The following PCDHGA5 variants were observed in gnomAD, a reference collection of about 807,000 sequenced individuals.
The protein encoded by PCDHGA5 is protocadherin gamma-A5.
A neutral mutation model predicts 56.7 loss-of-function variants in PCDHGA5; 36 were observed. The observed-to-expected ratio is 0.64, with a 90% confidence interval of 0.49 to 0.84. The LOEUF (loss-of-function observed/expected upper bound fraction) is 0.84, where lower values mean the gene tolerates loss of function less well. PCDHGA5 is among the 40% of genes least tolerant of loss of function. PCDHGA5 has a pLI of 0.00. For missense variants in PCDHGA5, 1,305 were observed against 1,201.5 expected (o/e 1.09, Z -1.27); for synonymous variants, 563 against 520.2 (o/e 1.08, Z -1.12).
Position 141,421,718 on chromosome 5 carries a change from G to A in PCDHGA5, c.2421+54967G>A, listed in dbSNP as rs778263773. On this transcript the variant is annotated intron_variant, in intron 1 of 3. Transcript: ENST00000518069. ...CCTAATGCTAGGGATCCAGATGTGGGCGTGAACTCCCTCCAGAGCTACCAG... is the reference window on the plus strand; with the variant it reads ...CCTAATGCTAGGGATCCAGATGTGGACGTGAACTCCCTCCAGAGCTACCAG... 3.1e-6 allele frequency: 5 copies of A among 1,613,848 alleles called. No homozygotes were observed. The highest frequency in any genetic ancestry group is 2.7e-5 in the African/African-American group (2 of 74,938).
intron 2 of PCDHGA5, among the ~76,000 whole-genome samples, chr5:141,495,834 C>T (rs1366861675): frequency 6.6e-6 from 1 of 152,198 alleles, no homozygotes; most frequent in African/African-American, 2.4e-5. Context: ...CTATCCCCAG[C>T]CTCTATGTTT....
chr5:141,409,953 CCGG>C (rs1418234891), intron 1 of PCDHGA5: 2 of 1,613,280 alleles, frequency 1.2e-6, no homozygotes, highest in Non-Finnish European at 1.7e-6. Flanking sequence ...TCTGCAGAGC[CCGG>C]CTACCTAGTG....
chr5:141,404,709 A>G (rs746275941), intron 1 of PCDHGA5: 33 of 1,613,624 alleles, frequency 2.0e-5, no homozygotes, highest in Non-Finnish European at 2.7e-5. Flanking sequence ...GAGCCTGGCT[A>G]CCTGGTGACC....
chr5:141,393,078 A>G, intron 1 of PCDHGA5: 1 of 1,613,718 alleles, frequency 6.2e-7, no homozygotes, highest in Non-Finnish European at 8.5e-7. Context: ...CACCGCGGGC[A>G]GGATAGATCG....
intron 1 of PCDHGA5, among the ~76,000 whole-genome samples, chr5:141,406,024 G>A (rs2094747494): frequency 6.6e-6 from 1 of 151,462 alleles, no homozygotes; most frequent in Admixed American, 6.6e-5. Flanking sequence ...TTTTTGGGTA[G>A]GGTTGCTTCA....
chr5:141,405,351 C>G, intron 1 of PCDHGA5: 1 of 1,614,080 alleles, frequency 6.2e-7, no homozygotes, highest in Non-Finnish European at 8.5e-7. Flanking sequence ...TCCAAGTTTC[C>G]TATAGAAGAC....
intron 1 of PCDHGA5, among the ~76,000 whole-genome samples, chr5:141,456,859 A>C (rs2098893194): frequency 6.6e-6 from 1 of 152,152 alleles, no homozygotes; most frequent in Admixed American, 6.6e-5. Context: ...GCTAATTGGG[A>C]GGCTGAGGCA....
chr5:141,472,065 G>C lies in PCDHGA5; in HGVS notation c.2422-22742G>C, dbSNP rs115025688. Among the ~76,000 whole-genome samples the C allele has an allele frequency of 1.7e-3, 265 of 152,218 alleles. 1 individual carries two copies. Among genetic ancestry groups the C allele is most frequent in the Middle Eastern group, 3.4e-3 (1 of 294 alleles). On this transcript the variant is annotated intron_variant, in intron 1 of 3. Coordinates refer to ENST00000518069, the MANE Select transcript of PCDHGA5 (RefSeq NM_018918.3). ...GATTTTAAAAATGATTGACATGTCT[G>C]TGGTTATATCAATGAGTACTATTAT...
At chr5:141,422,318 G>A (rs778935746) in intron 1 of PCDHGA5, 10 of 1,548,110 alleles carry the variant, frequency 6.5e-6, no homozygotes, top group Non-Finnish European at 7.8e-6. Context: ...TCTCCTCCAG[G>A]TACAGTGATT....
Position 141,365,788 on chromosome 5 carries a change from A to T in PCDHGA5, c.1458A>T (p.Arg486=). Residue 486 remains arginine, a synonymous_variant, in exon 1 of 4, where the codon CGA becomes CGT. Transcript: ENST00000518069. ...ACCCCGACAGCGGCGACAACGCTCGAGTCACCTACTCCCTGGCTGAAGACA... is the reference window on the plus strand; with the variant it reads ...ACCCCGACAGCGGCGACAACGCTCGTGTCACCTACTCCCTGGCTGAAGACA... The part of the protein sequence containing the change: ...AHDPDSGDNA[R]VTYSLAEDTF... 6.2e-7 allele frequency: 1 copy of T among 1,613,878 alleles called. No homozygotes were observed. The highest frequency in any genetic ancestry group is 1.1e-5 in the South Asian group (1 of 91,070).
Position 141,511,250 on chromosome 5 carries a change from CAG to C in PCDHGA5, c.*80_*81del. 2 of 1,571,674 alleles carry C rather than the reference CAG, an allele frequency of 1.3e-6. No homozygotes were observed. Among genetic ancestry groups the C allele is most frequent in the Non-Finnish European group, 1.7e-6 (2 of 1,158,794 alleles). On this transcript the variant is annotated 3_prime_UTR_variant, in exon 4 of 4. Transcript: ENST00000518069. ...CTTCTCCTTACCTGCACCCAGGCCT[CAG>C]AGTTTCAGGGCTAACCCCCAGAATA...
At chr5:141,478,644 T>G in intron 1 of PCDHGA5, 1 of 1,552,238 alleles carries the variant, frequency 6.4e-7, no homozygotes, top group South Asian at 1.2e-5. Context: ...GATGAAGATG[T>G]TTTCCTGGTG....
chr5:141,372,633 A>ACTT, intron 1 of PCDHGA5: 1 of 1,613,996 alleles, frequency 6.2e-7, no homozygotes, highest in Non-Finnish European at 8.5e-7. Context: ...CAGCGAAAGG[A>ACTT]CTTTGCCTTA....
chr5:141,419,846 G>T (rs1407937968), intron 1 of PCDHGA5: 2 of 1,614,066 alleles, frequency 1.2e-6, no homozygotes, highest in Non-Finnish European at 1.7e-6. Context: ...GCTGCACCTG[G>T]TGTTCGCAGA....
At chr5:141,436,181 T>C (rs1050736907) in intron 1 of PCDHGA5, among the ~76,000 whole-genome samples, 2 of 152,092 alleles carry the variant, frequency 1.3e-5, no homozygotes, top group African/African-American at 4.8e-5. Flanking sequence ...TCATATATAG[T>C]CAAATAGAAA....
At chr5:141,433,257 G>C (rs764036349) in intron 1 of PCDHGA5, 3 of 1,385,416 alleles carry the variant, frequency 2.2e-6, no homozygotes, top group Non-Finnish European at 3.0e-6. Flanking sequence ...GCAGCGGTAC[G>C]ATCATAGCTC....
intron 1 of PCDHGA5, chr5:141,377,855 G>A (rs1291859496): frequency 6.6e-6 from 1 of 152,074 alleles, no homozygotes; most frequent in Non-Finnish European, 1.5e-5. Flanking sequence ...TTAAAATTAA[G>A]ATTTAAAAGA....
rs183723314 is a variant in PCDHGA5 at position 141,375,046 on chromosome 5, C to T, written c.2421+8295C>T. The T allele has an allele frequency of 2.1e-4, 333 of 1,613,912 alleles. 2 individuals are homozygous for T. The African/African-American group carries it at 4.0e-3, about 19-fold the overall frequency. The stretch of plus-strand genomic sequence containing the variant: ...GTTTTTATGAGCTGGGTGTTGAAGC[C>T]CGGGATGGGCCAGGTCTTCGAGACA... On this transcript the variant is annotated intron_variant, in intron 1 of 3. Coordinates refer to ENST00000518069, the MANE Select transcript of PCDHGA5 (RefSeq NM_018918.3).
At chr5:141,467,285 T>G (rs6870144) in intron 1 of PCDHGA5, among the ~76,000 whole-genome samples, 42,564 of 152,010 alleles carry the variant, frequency 0.28, 6,785 homozygotes, top group African/African-American at 0.45. Context: ...ACTCTTGACC[T>G]CAAGTGATCC....
Sources: gnomAD v4.1 joint callset for allele counts (sites outside exome capture counted in the v4.1 genomes callset) on GRCh38, gnomAD v4.1.1 for gene constraint, MANE v1.5 for transcripts, NCBI Gene and HGNC (gene_info 2026-07-23, HGNC 2026-07-21) for gene names.